ARHGEF10L: variants seen among roughly 807,000 people sequenced by gnomAD.
The protein encoded by ARHGEF10L is rho guanine nucleotide exchange factor 10-like protein.
In ARHGEF10L, 69 loss-of-function variants were observed where a neutral mutation model predicts 141.2. That is an observed-to-expected ratio of 0.49 (90% CI 0.40 to 0.60). The LOEUF is 0.60. ARHGEF10L is among the 20% of genes least tolerant of loss of function. The pLI is 0.00. For synonymous variants in ARHGEF10L, 711 were observed against 718.5 expected (o/e 0.99, Z 0.17); for missense variants, 1,482 against 1,734.3 (o/e 0.85, Z 2.58).
rs1034669235 is a variant in ARHGEF10L at position 17,603,999 on chromosome 1, G to A, written c.433+408G>A. Among the ~76,000 whole-genome samples the A allele has an allele frequency of 2.6e-5, 4 of 152,194 alleles. No individual in the cohort carries two copies. In the East Asian group the frequency reaches 7.7e-4, roughly 29 times the overall value. The stretch of plus-strand genomic sequence containing the variant: ...TGCTCTGGGTTGAGGGCTGAGGTGG[G>A]CAGGCAGGCAGGCGATTGTGGCCGC... On this transcript the variant is annotated intron_variant, in intron 6 of 28. Transcript: ENST00000361221. The surrounding 1 kb of genome is among the most constrained non-coding windows in gnomAD (Gnocchi z 4.8).
intron 14 of ARHGEF10L, among the ~76,000 whole-genome samples, 196 bp downstream of exon 14, chr1:17,626,244 C>T (rs193032502): frequency 6.6e-6 from 1 of 152,278 alleles, no homozygotes; most frequent in East Asian, 1.9e-4. Context: ...AGTTTGCACG[C>T]CCCTCTGTGG....
chr1:17,522,795 C>T, the ARHGEF10L span, among the ~76,000 whole-genome samples: 4 of 152,102 alleles, frequency 2.6e-5, no homozygotes, highest in East Asian at 1.9e-4. Flanking sequence ...ATCCCTCCCC[C>T]CTGGAAGGTG....
chr1:17,651,318 G>A (rs565557536), intron 22 of ARHGEF10L, among the ~76,000 whole-genome samples: 24 of 152,332 alleles, frequency 1.6e-4, no homozygotes, highest in Admixed American at 5.9e-4. Flanking sequence ...GATAGATGGC[G>A]TATGCCAGAT....
chr1:17,521,847 G>C, the ARHGEF10L span, among the ~76,000 whole-genome samples: 2 of 152,150 alleles, frequency 1.3e-5, no homozygotes, highest in Non-Finnish European at 2.9e-5. Context: ...GCTGAGGTTG[G>C]AAGGGGGACA....
intron 25 of ARHGEF10L, among the ~76,000 whole-genome samples, chr1:17,662,632 A>G (rs771021056): frequency 8.0e-5 from 12 of 149,344 alleles, no homozygotes; most frequent in Non-Finnish European, 1.6e-4. Context: ...TAGATGGGAA[A>G]GAGGTGGGGA....
At chr1:17,655,437 GTCCATCCATCCATCCATCCATCCA>G (rs55790600) in intron 23 of ARHGEF10L, among the ~76,000 whole-genome samples, 1 of 148,478 alleles carries the variant, frequency 6.7e-6, no homozygotes, top group Non-Finnish European at 1.5e-5. Context: ...TCTATCATCT[GTCCATCCATCCATCCATCCATCCA>G]TCCATCCATC....
At chr1:17,681,066 C>G (rs927116418) in intron 26 of ARHGEF10L, among the ~76,000 whole-genome samples, 1 of 152,164 alleles carries the variant, frequency 6.6e-6, no homozygotes, top group Admixed American at 6.5e-5. Context: ...AGCCACTACG[C>G]CTGGTCCCCC....
intron 23 of ARHGEF10L, 105 bp from the exon 24 acceptor site, chr1:17,655,774 T>C (rs2062202090): frequency 1.0e-6 from 1 of 1,003,200 alleles, no homozygotes; most frequent in Non-Finnish European, 1.5e-6. Flanking sequence ...GGAGAAGGGA[T>C]GCTTCTCTCA....
the ARHGEF10L span, among the ~76,000 whole-genome samples, chr1:17,522,147 G>A: frequency 1.3e-5 from 2 of 152,144 alleles, no homozygotes; most frequent in Non-Finnish European, 2.9e-5. Flanking sequence ...GGGCGTGGCA[G>A]AGGGGTGGGA....
In ARHGEF10L at chr1:17,656,719, G is replaced by C; in HGVS notation, c.2860+11G>C. ...ACCCTCGGACCAGCGGTGAGGACTG[G>C]GGGGAATGGGGGAAGGGGGGCAGTC... On this transcript the variant is annotated intron_variant, in intron 25 of 28. Transcript: ENST00000361221. This position sits in a 1 kb window ranked among gnomAD's most constrained non-coding sequence, Gnocchi z 4.9. 6.2e-7 allele frequency: 1 copy of C among 1,606,856 alleles called. No individual in the cohort carries two copies. Among genetic ancestry groups the C allele is most frequent in the Admixed American group, 1.7e-5 (1 of 59,838 alleles).
chr1:17,646,966 G>A (rs1009930612), intron 21 of ARHGEF10L, among the ~76,000 whole-genome samples: 2 of 151,936 alleles, frequency 1.3e-5, no homozygotes, highest in Admixed American at 1.3e-4. Flanking sequence ...GAGGCCAGGT[G>A]TAAGTTTTAG....
At chr1:17,541,178 C>G (rs1463802982) in intron 1 of ARHGEF10L, among the ~76,000 whole-genome samples, 1 of 152,204 alleles carries the variant, frequency 6.6e-6, no homozygotes, top group African/African-American at 2.4e-5. Context: ...CACCAAAGAG[C>G]CTCTGTGGGC....
At chr1:17,591,162 T>A (rs763012985) in intron 4 of ARHGEF10L, among the ~76,000 whole-genome samples, 58 of 152,328 alleles carry the variant, frequency 3.8e-4, no homozygotes, top group Non-Finnish European at 7.3e-4. Flanking sequence ...CAAGGCCACA[T>A]GGCTAGAGCC....
At chr1:17,597,014 G>C (rs868810828) in intron 4 of ARHGEF10L, among the ~76,000 whole-genome samples, 1 of 152,170 alleles carries the variant, frequency 6.6e-6, no homozygotes, top group East Asian at 1.9e-4. Context: ...GACCAGAAAC[G>C]CACCAGGTGG....
intron 16 of ARHGEF10L, 76 bp downstream of exon 16, chr1:17,632,542 C>T (rs990964165): frequency 5.7e-5 from 90 of 1,585,396 alleles, no homozygotes; most frequent in African/African-American, 2.2e-4. Context: ...GTCTCTTGGC[C>T]GGCCGCACTA....
rs955628963 is a variant in ARHGEF10L at position 17,622,034 on chromosome 1, A to C, written c.1020+93A>C. 3.0e-6 allele frequency: 4 copies of C among 1,330,426 alleles called. No individual in the cohort carries two copies. The African/African-American group carries it at 4.3e-5, about 14-fold the overall frequency. 82.4% of individuals were successfully genotyped at this position (1,330,426 alleles called of 1,614,324 possible). ...TACGGAGTGTTTGGGGACTGTGGGC[A>C]GTTTTAAGGGGACAGGACCATAAGC... On this transcript the variant is annotated intron_variant, in intron 11 of 28. Coordinates refer to ENST00000361221, the MANE Select transcript of ARHGEF10L (RefSeq NM_018125.4).
chr1:17,687,589 A>C lies in ARHGEF10L; in HGVS notation c.3026A>C (p.His1009Pro), dbSNP rs1351593622. 1 of 1,612,888 alleles carries C rather than the reference A, an allele frequency of 6.2e-7. No homozygotes were observed. The highest frequency in any genetic ancestry group is 8.5e-7 in the Non-Finnish European group (1 of 1,179,934). The change falls in exon 27 of 29, where the codon CAC (histidine) becomes CCC (proline). Residue 1009 changes from histidine to proline, a missense_variant. By Grantham distance (77) the His-to-Pro change is moderately conservative (BLOSUM62 -2). Transcript: ENST00000361221. Reference protein sequence around the residue: ...TLQPQQSFEAHQDEAVSVTHM... With the variant: ...TLQPQQSFEAPQDEAVSVTHM... ...GTGCCACAGCAAAGCTTCGAGGCGCACCAGGACGAGGCAGTGAGCGTGACA... is the reference window on the plus strand; with the variant it reads ...GTGCCACAGCAAAGCTTCGAGGCGCCCCAGGACGAGGCAGTGAGCGTGACA...
chr1:17,562,817 C>T (rs1219540584), intron 1 of ARHGEF10L, among the ~76,000 whole-genome samples: 1 of 152,224 alleles, frequency 6.6e-6, no homozygotes, highest in Non-Finnish European at 1.5e-5. Flanking sequence ...CTGGCCCATG[C>T]TGGGCACCCA....
intron 1 of ARHGEF10L, among the ~76,000 whole-genome samples, chr1:17,579,981 G>A (rs2078413169): frequency 6.6e-6 from 1 of 152,238 alleles, no homozygotes; most frequent in Admixed American, 6.5e-5. Context: ...GGCCTCTGGA[G>A]CCATTGCTTT....
Sources: gnomAD v4.1 joint callset for allele counts (sites outside exome capture counted in the v4.1 genomes callset) on GRCh38, gnomAD v4.1.1 for gene constraint, Gnocchi (gnomAD v3.1) non-coding constraint, MANE v1.5 for transcripts, NCBI Gene and HGNC (gene_info 2026-07-23, HGNC 2026-07-21) for gene names.